PDE11A: variants seen among roughly 807,000 people sequenced by gnomAD.
The protein encoded by PDE11A is dual 3',5'-cyclic-AMP and -GMP phosphodiesterase 11A.
Under a neutral mutation model 100.5 loss-of-function variants are expected in PDE11A, and 100 were observed. The observed-to-expected ratio is 1.00, with a 90% CI of 0.85 to 1.18. PDE11A has a LOEUF of 1.18. Ranked by LOEUF, PDE11A falls within the 50% of genes most tolerant of loss-of-function variation. PDE11A has a pLI of 0.00. For missense variants in PDE11A, 1,141 were observed against 1,152.6 expected, an observed-to-expected ratio of 0.99 and a Z score of 0.15; for synonymous variants, 381 against 420.8, an observed-to-expected ratio of 0.91 and a Z score of 1.16.
At chr2:177,872,654 A>G (rs542975940) in intron 5 of PDE11A, among the ~76,000 whole-genome samples, 1 of 152,350 alleles carries the variant, frequency 6.6e-6, no homozygotes, top group East Asian at 1.9e-4. Context: ...CTACACTATT[A>G]TAACTCTGAC....
At chr2:177,829,704 G>A (rs1471227422) in intron 6 of PDE11A, among the ~76,000 whole-genome samples, 3 of 151,052 alleles carry the variant, frequency 2.0e-5, no homozygotes, top group African/African-American at 7.3e-5. Context: ...CGCCTGCCTC[G>A]GCCTCCTAAA....
chr2:177,997,265 CT>C lies in PDE11A; in HGVS notation c.1071+17036del, dbSNP rs2086087605. On this transcript the variant is annotated intron_variant, in intron 2 of 19. Transcript: ENST00000286063. ...CGGCCCCCTCTACTTTCCCTGAAGGCTCCTCTCATAATTAAAGTTGCCCAAA... is the reference window on the plus strand; with the variant it reads ...CGGCCCCCTCTACTTTCCCTGAAGGCCCTCTCATAATTAAAGTTGCCCAAA... 3.3e-6 allele frequency: 4 copies of C among 1,203,032 alleles called. No homozygotes were observed. The South Asian group carries it at 4.9e-5, about 15-fold the overall frequency. 74.5% of individuals were successfully genotyped at this position (1,203,032 alleles called of 1,614,324 possible). A position where few individuals can be genotyped will look rare whatever the true frequency, so the allele number is the denominator to read the frequency against.
intron 10 of PDE11A, 64 bp from the exon 11 acceptor site, chr2:177,728,236 C>T (rs1373970009): frequency 2.1e-6 from 3 of 1,426,942 alleles, no homozygotes; most frequent in African/African-American, 2.8e-5. Flanking sequence ...CCATCCTGCT[C>T]TCCTCCCCTG....
chr2:177,766,612 C>A (rs2082243677), intron 10 of PDE11A, among the ~76,000 whole-genome samples: 1 of 152,170 alleles, frequency 6.6e-6, no homozygotes, highest in South Asian at 2.1e-4. Context: ...AGAAAACTGC[C>A]ATTGCACATA....
intron 6 of PDE11A, among the ~76,000 whole-genome samples, chr2:177,824,529 C>T (rs1056333293): frequency 2.6e-5 from 4 of 152,080 alleles, no homozygotes; most frequent in African/African-American, 7.2e-5. Flanking sequence ...ACAACCTTTC[C>T]GGAAATAGGT....
At chr2:177,693,202 G>A (rs993638697) in intron 15 of PDE11A, among the ~76,000 whole-genome samples, 15 of 152,102 alleles carry the variant, frequency 9.9e-5, no homozygotes, top group African/African-American at 1.4e-4. Context: ...GCGGTCCTGC[G>A]GATCACATAC....
intron 4 of PDE11A, among the ~76,000 whole-genome samples, chr2:177,886,257 T>G (rs1195865711): frequency 6.6e-6 from 1 of 152,214 alleles, no homozygotes; most frequent in East Asian, 1.9e-4. Flanking sequence ...TCTTTCCTTC[T>G]TCCCAGTCTA....
At chr2:178,102,135 T>C (rs1174099618) in intron 2 of PDE11A, among the ~76,000 whole-genome samples, 2 of 151,852 alleles carry the variant, frequency 1.3e-5, no homozygotes, top group Non-Finnish European at 2.9e-5. Context: ...GTCTAATTTT[T>C]TTTTTTTTTG....
At chr2:177,817,031 C>A in intron 8 of PDE11A, 110 bp from the exon 9 acceptor site, 1 of 740,734 alleles carries the variant, frequency 1.4e-6, no homozygotes, top group Non-Finnish European at 2.5e-6. Context: ...TCTTGTTGTA[C>A]ACAGAGGTAG....
intron 10 of PDE11A, among the ~76,000 whole-genome samples, chr2:177,765,955 C>A (rs567428439): frequency 6.6e-6 from 1 of 152,130 alleles, no homozygotes; most frequent in African/African-American, 2.4e-5. Context: ...AAAATTTGAC[C>A]TCCAGATTTT....
intron 10 of PDE11A, among the ~76,000 whole-genome samples, chr2:177,740,398 T>C (rs563974060): frequency 2.5e-4 from 38 of 152,364 alleles, no homozygotes; most frequent in African/African-American, 9.1e-4. Flanking sequence ...TTTTTCATCA[T>C]GGTGCATTTA....
intron 3 of PDE11A, among the ~76,000 whole-genome samples, chr2:177,900,387 T>G (rs2084677998): frequency 6.6e-6 from 1 of 152,242 alleles, no homozygotes; most frequent in South Asian, 2.1e-4. Flanking sequence ...AATTTTCAAC[T>G]TCAATAATGA....
rs1240394522 is a variant in PDE11A, at chr2:177,870,270, C to T, written c.1367+5589G>A. 3.9e-5 allele frequency among the ~76,000 whole-genome samples: 6 copies of T among 152,222 alleles called. No individual in the cohort carries two copies. The East Asian group carries it at 1.2e-3, about 29-fold the overall frequency. ...ATTTTCATCACTAATATCAAATTTA[C>T]ACTCCACTTCTTATTTCTACGTTTT... is the stretch of plus-strand genomic sequence containing the variant. On this transcript the variant is annotated intron_variant, in intron 5 of 19. Coordinates refer to ENST00000286063, the MANE Select transcript of PDE11A (RefSeq NM_016953.4).
At chr2:177,979,061 A>G (rs1445016022) in intron 2 of PDE11A, among the ~76,000 whole-genome samples, 2 of 123,240 alleles carry the variant, frequency 1.6e-5, no homozygotes, top group African/African-American at 3.3e-5. Flanking sequence ...CATGTACCCT[A>G]AAACTTAGAG....
chr2:177,643,164 C>T (rs553755587), intron 19 of PDE11A, among the ~76,000 whole-genome samples: 5 of 152,224 alleles, frequency 3.3e-5, no homozygotes, highest in Non-Finnish European at 7.3e-5. Context: ...AAAAGACACC[C>T]GAATATGTGG....
At chr2:177,799,218 G>A (rs2082749705) in intron 9 of PDE11A, among the ~76,000 whole-genome samples, 1 of 152,156 alleles carries the variant, frequency 6.6e-6, no homozygotes, top group Non-Finnish European at 1.5e-5. Context: ...AGTCTAAGGA[G>A]ACATGATGAA....
intron 1 of PDE11A, among the ~76,000 whole-genome samples, chr2:178,040,986 C>G (rs1181051734): frequency 6.6e-6 from 1 of 152,114 alleles, no homozygotes; most frequent in Non-Finnish European, 1.5e-5. Flanking sequence ...GTTGCCCATG[C>G]TAGAGTGCAG....
rs147125108 is a variant in PDE11A at position 178,062,695 on chromosome 2, A to G, written c.912+8831T>C. ...AAACTGTTAGTTCATTAAACTGTGCATACCCATTTAAATGAAAAAGGAGTA... is the reference window on the plus strand; with the variant it reads ...AAACTGTTAGTTCATTAAACTGTGCGTACCCATTTAAATGAAAAAGGAGTA... On this transcript the variant is annotated intron_variant, in intron 1 of 19. Coordinates refer to ENST00000286063, the MANE Select transcript of PDE11A (RefSeq NM_016953.4). Among the ~76,000 whole-genome samples the G allele has an allele frequency of 4.3e-3, 658 of 152,358 alleles. 8 individuals carry two copies. The highest frequency in any genetic ancestry group is 0.015 in the African/African-American group (635 of 41,596).
intron 2 of PDE11A, among the ~76,000 whole-genome samples, chr2:177,945,261 G>A (rs1441685506): frequency 2.0e-5 from 3 of 150,950 alleles, no homozygotes; most frequent in Non-Finnish European, 4.4e-5. Context: ...GAAGTGAGGA[G>A]TGTCTCTGCC....
Sources: gnomAD v4.1 joint callset for allele counts (sites outside exome capture counted in the v4.1 genomes callset) on GRCh38, gnomAD v4.1.1 for gene constraint, MANE v1.5 for transcripts, NCBI Gene and HGNC (gene_info 2026-07-23, HGNC 2026-07-21) for gene names.